Variants in GRIA4 observed in about 807,000 individuals in gnomAD.
The protein encoded by GRIA4 is glutamate receptor 4.
GRIA4 carries 34 observed loss-of-function variants against 104.0 expected under a neutral mutation model. The ratio of observed to expected loss-of-function variants is 0.33; its 90% CI spans 0.25 to 0.44. The LOEUF (loss-of-function observed/expected upper bound fraction) is 0.44. Ranked by LOEUF, GRIA4 falls within the 20% of genes least tolerant of loss-of-function variation. The pLI is 1.00. For missense variants in GRIA4, 750 were observed against 1,096.5 expected (o/e 0.68, Z 4.46); for synonymous variants, 386 against 381.9 (o/e 1.01, Z -0.13).
chr11:105,687,883 T>C (rs534480342), intron 3 of GRIA4, among the ~76,000 whole-genome samples: 7 of 152,308 alleles, frequency 4.6e-5, no homozygotes, highest in African/African-American at 1.2e-4. Flanking sequence ...TAGATATGTT[T>C]ATAAAGGCAT....
At chr11:105,835,662 G>A (rs1463244368) in intron 4 of GRIA4, among the ~76,000 whole-genome samples, 4 of 151,938 alleles carry the variant, frequency 2.6e-5, no homozygotes, top group East Asian at 1.9e-4. Flanking sequence ...AGGAGGATTC[G>A]CAGGTGATAC....
Position 105,905,101 on chromosome 11 carries a change from T to G in GRIA4, c.1054-96T>G, listed in dbSNP as rs1006738086. 5 of 700,428 alleles carry G rather than the reference T, an allele frequency of 7.1e-6. No individual in the cohort carries two copies. The African/African-American group carries it at 8.8e-5, about 12-fold the overall frequency. The allele number at this position is 700,428 out of a possible 1,614,324, so 43.4% of individuals were successfully genotyped here. ...CAGTTAGTTGGTTATAGTTTATAGT[T>G]CTACTTTTTTAAGTAGTTATAAGCC... On this transcript the variant is annotated intron_variant, in intron 8 of 16. Coordinates refer to ENST00000282499, the MANE Select transcript of GRIA4 (RefSeq NM_000829.4).
chr11:105,947,642 A>C (rs1341156513), intron 14 of GRIA4, among the ~76,000 whole-genome samples: 1 of 152,196 alleles, frequency 6.6e-6, no homozygotes, highest in Non-Finnish European at 1.5e-5. Context: ...CAATTTATTA[A>C]GTATATTTAA....
At chr11:105,760,201 A>G (rs1212917737) in intron 4 of GRIA4, among the ~76,000 whole-genome samples, 2 of 152,098 alleles carry the variant, frequency 1.3e-5, no homozygotes, top group Non-Finnish European at 2.9e-5. Flanking sequence ...AGGGTGACAC[A>G]TGCTACTAAT....
chr11:105,789,399 A>G (rs1246570181), intron 4 of GRIA4, among the ~76,000 whole-genome samples: 1 of 152,160 alleles, frequency 6.6e-6, no homozygotes, highest in Non-Finnish European at 1.5e-5. Context: ...ATTGATTTTT[A>G]TCTTCTCCGA....
At chr11:105,650,356 C>T (rs1189149129) in intron 3 of GRIA4, among the ~76,000 whole-genome samples, 1 of 108,192 alleles carries the variant, frequency 9.2e-6, no homozygotes, top group Non-Finnish European at 2.1e-5. Flanking sequence ...TGTCCTATTT[C>T]CATGCAGTGG....
Position 105,978,503 on chromosome 11 carries a change from C to G in GRIA4, c.2545-1072C>G, listed in dbSNP as rs973619872. 2.0e-5 allele frequency among the ~76,000 whole-genome samples: 3 copies of G among 152,082 alleles called. No homozygotes were observed. In the South Asian group the frequency reaches 6.2e-4, roughly 31 times the overall value. ...TTCTGAAGTTTTCAGAGTAACTGAT[C>G]TGTAAACATTTTTACTCCACCAGTT... On this transcript the variant is annotated intron_variant, in intron 16 of 16. Coordinates refer to ENST00000282499, the MANE Select transcript of GRIA4 (RefSeq NM_000829.4).
At chr11:105,699,237 T>G (rs1036517655) in intron 3 of GRIA4, among the ~76,000 whole-genome samples, 12 of 152,166 alleles carry the variant, frequency 7.9e-5, no homozygotes, top group African/African-American at 2.9e-4. Context: ...GTGCTGCAAA[T>G]AGAGCAGGAA....
intron 4 of GRIA4, among the ~76,000 whole-genome samples, chr11:105,812,525 T>G (rs918072843): frequency 2.0e-5 from 3 of 152,136 alleles, no homozygotes; most frequent in Non-Finnish European, 2.9e-5. Context: ...AACCAAATTT[T>G]TTATCTTTGA....
At chr11:105,845,495 G>A (rs1336496326) in intron 4 of GRIA4, among the ~76,000 whole-genome samples, 2 of 152,098 alleles carry the variant, frequency 1.3e-5, no homozygotes, top group Admixed American at 1.3e-4. Context: ...AGAGCATGTA[G>A]GAAGATAGAT....
intron 7 of GRIA4, among the ~76,000 whole-genome samples, chr11:105,903,538 T>C (rs966758376): frequency 6.6e-5 from 10 of 152,228 alleles, no homozygotes; most frequent in Non-Finnish European, 1.5e-4. Context: ...TAGGGGTCTT[T>C]CTTCTCCAAA....
chr11:105,719,175 GGT>G (rs1954209089), intron 3 of GRIA4, among the ~76,000 whole-genome samples: 2 of 151,978 alleles, frequency 1.3e-5, no homozygotes, highest in Non-Finnish European at 2.9e-5. Context: ...TTGAGAGTTC[GGT>G]AAGTGCTACA....
intron 5 of GRIA4, among the ~76,000 whole-genome samples, chr11:105,885,139 A>G (rs1450837897): frequency 6.6e-6 from 1 of 152,182 alleles, no homozygotes; most frequent in African/African-American, 2.4e-5. Flanking sequence ...GAATATGCCA[A>G]TATGCCATTT....
chr11:105,764,418 G>A (rs2135724864), intron 4 of GRIA4, among the ~76,000 whole-genome samples: 1 of 152,180 alleles, frequency 6.6e-6, no homozygotes, highest in South Asian at 2.1e-4. Flanking sequence ...GACCTGAAAT[G>A]TTTGTTATTT....
chr11:105,717,705 CT>C (rs538663809), intron 3 of GRIA4, among the ~76,000 whole-genome samples: 1,518 of 150,794 alleles, frequency 0.01, 16 homozygotes, highest in Non-Finnish European at 0.014. Context: ...TCTCTTTTTT[CT>C]TTTTTTTTAT....
chr11:105,847,259 T>C (rs1944633514), intron 4 of GRIA4, among the ~76,000 whole-genome samples: 1 of 152,204 alleles, frequency 6.6e-6, no homozygotes, highest in Non-Finnish European at 1.5e-5. Context: ...CATGCTCCTA[T>C]GAGCATCTAA....
intron 3 of GRIA4, among the ~76,000 whole-genome samples, chr11:105,688,339 A>T (rs1952966578): frequency 6.6e-6 from 1 of 152,116 alleles, no homozygotes; most frequent in Non-Finnish European, 1.5e-5. Flanking sequence ...CGGGTGGATC[A>T]CGAGGTCAGG....
At chr11:105,759,966 A>T (rs1200125790) in intron 4 of GRIA4, among the ~76,000 whole-genome samples, 1 of 126,300 alleles carries the variant, frequency 7.9e-6, no homozygotes, top group African/African-American at 2.6e-5. Flanking sequence ...ATACAGTCAC[A>T]CTTAATAAAT....
intron 4 of GRIA4, among the ~76,000 whole-genome samples, chr11:105,812,748 GAT>G (rs1943225310): frequency 6.6e-6 from 1 of 151,988 alleles, no homozygotes; most frequent in Admixed American, 6.6e-5. Context: ...CATAAATAGA[GAT>G]ATTTTTATAG....
Sources: gnomAD v4.1 joint callset for allele counts (sites outside exome capture counted in the v4.1 genomes callset) on GRCh38, gnomAD v4.1.1 for gene constraint, MANE v1.5 for transcripts, NCBI Gene and HGNC (gene_info 2026-07-23, HGNC 2026-07-21) for gene names.